PLET1: variants seen among roughly 807,000 people sequenced by gnomAD.
PLET1 encodes placenta-expressed transcript 1 protein.
In PLET1, 20 loss-of-function variants were observed where a neutral mutation model predicts 18.5. The observed-to-expected ratio is 1.08, with a 90% CI of 0.76 to 1.57. The LOEUF is 1.57. PLET1 is among the 40% of genes most tolerant of loss of function. The pLI, the probability that PLET1 is intolerant of heterozygous loss-of-function variation, is 0.00. For missense variants in PLET1, 256 were observed against 246.4 expected, an observed-to-expected ratio of 1.04 and a Z score of -0.26; for synonymous variants, 93 against 93.8, an observed-to-expected ratio of 0.99 and a Z score of 0.05.
chr11:112,255,310 C>T (rs1391835359), intron 2 of PLET1, 78 bp downstream of exon 2: 11 of 1,386,902 alleles, frequency 7.9e-6, no homozygotes, highest in Admixed American at 2.0e-5. Flanking sequence ...TATTTTAAGT[C>T]CTCCTAGCTT....
intron 1 of PLET1, among the ~76,000 whole-genome samples, chr11:112,259,380 T>A (rs2135419714): frequency 6.6e-6 from 1 of 152,340 alleles, no homozygotes; most frequent in Non-Finnish European, 1.5e-5. Context: ...CCCTAATAGG[T>A]CACTATTACA....
intron 1 of PLET1, among the ~76,000 whole-genome samples, chr11:112,257,672 A>G (rs1860237399): frequency 6.6e-6 from 1 of 152,154 alleles, no homozygotes; most frequent in African/African-American, 2.4e-5. Context: ...TCACTGTATT[A>G]AGGGTTTCTT....
chr11:112,250,220 C>CTTTTTTTTTTTTT (rs33963716), intron 3 of PLET1, among the ~76,000 whole-genome samples: 70 of 49,876 alleles, frequency 1.4e-3, no homozygotes, highest in Non-Finnish European at 1.6e-3. Context: ...AGAAACAAAC[C>CTTTTTTTTTTTTT]TTTTTTTTTT....
chr11:112,253,982 C>T (rs773215590), intron 2 of PLET1, among the ~76,000 whole-genome samples: 3 of 152,136 alleles, frequency 2.0e-5, no homozygotes, highest in Non-Finnish European at 4.4e-5. Flanking sequence ...AAGTCTAATG[C>T]GATTCCAGGT....
Position 112,260,470 on chromosome 11 carries a change from G to C in PLET1, c.120C>G (p.Tyr40Ter), listed in dbSNP as rs572308783. ...YSSTCFTFDE[Y>*]YTITLDIKAS... ...CCTTGATGTCTAGGGTTATGGTGTAGTATTCATCAAAGGTGAAGCAGGTGC... is the reference window on the plus strand; with the variant it reads ...CCTTGATGTCTAGGGTTATGGTGTACTATTCATCAAAGGTGAAGCAGGTGC... Residue 40 changes from tyrosine to a stop codon, truncating the protein, a stop_gained, in exon 1 of 4, where the codon TAC becomes TAG. Transcript: ENST00000338832. LOFTEE classifies it high-confidence loss of function. 11 of 1,551,822 alleles carry C rather than the reference G, an allele frequency of 7.1e-6. No individual in the cohort carries two copies. The African/African-American group carries it at 1.1e-4, about 15-fold the overall frequency.
Position 112,255,503 on chromosome 11 carries a change from C to T in PLET1, c.271G>A (p.Ala91Thr). Residue 91 changes from alanine to threonine, a missense_variant, in exon 2 of 4, where the codon GCG (alanine) becomes ACG (threonine). Coordinates refer to ENST00000338832, the MANE Select transcript of PLET1 (RefSeq NM_001145024.1). The part of the protein sequence containing the change: ...NSDSAGLWQR[A>T]DKNCYSNSTY... ...GAGTTGCTGTAGCAATTTTTATCCGCTCTTTGCCAGAGGCCCGCTGAGTCA... is the reference window on the plus strand; with the variant it reads ...GAGTTGCTGTAGCAATTTTTATCCGTTCTTTGCCAGAGGCCCGCTGAGTCA... The T allele has an allele frequency of 6.4e-7, 1 of 1,551,936 alleles. No homozygotes were observed. The highest frequency in any genetic ancestry group is 8.7e-7 in the Non-Finnish European group (1 of 1,146,962).
At position 112,248,842 on chromosome 11, in the gene PLET1, A is replaced by G. The variant is rs939740098; in HGVS notation, c.581T>C (p.Ile194Thr). 2.0e-5 allele frequency: 31 copies of G among 1,551,498 alleles called. No homozygotes were observed. The highest frequency in any genetic ancestry group is 2.4e-5 in the East Asian group (1 of 40,922). Residue 194 changes from isoleucine (I) to threonine (T), a missense_variant, in exon 4 of 4, where the codon ATT (isoleucine) becomes ACT (threonine). Coordinates refer to ENST00000338832, the MANE Select transcript of PLET1 (RefSeq NM_001145024.1). ...QVFSSPITEA[I>T]YILLAFLTST... ...GGTGAGAAAAGCAAGCAGGATATAA[A>G]TGGCCTCTGTGATGGGGCTGCTGAA...
chr11:112,251,814 G>C (rs570385136), intron 3 of PLET1, among the ~76,000 whole-genome samples: 1 of 97,042 alleles, frequency 1.0e-5, no homozygotes, highest in Non-Finnish European at 2.6e-5. Flanking sequence ...AGCTGGGGGC[G>C]ACAGCCTGTG....
chr11:112,256,297 C>G (rs1042207642), intron 1 of PLET1, among the ~76,000 whole-genome samples: 11 of 152,164 alleles, frequency 7.2e-5, no homozygotes, highest in Admixed American at 2.6e-4. Flanking sequence ...TGAGTGAATT[C>G]CTCAATGCTA....
chr11:112,255,988 G>A (rs1847235823), intron 1 of PLET1, among the ~76,000 whole-genome samples: 1 of 152,192 alleles, frequency 6.6e-6, no homozygotes, highest in African/African-American at 2.4e-5. Context: ...AGACAAGCCT[G>A]CTTGGTCCTC....
chr11:112,251,561 C>T (rs533182482), intron 3 of PLET1, among the ~76,000 whole-genome samples: 36 of 152,264 alleles, frequency 2.4e-4, no homozygotes, highest in Non-Finnish European at 3.4e-4. Context: ...GGCAACAGAG[C>T]GAGACTCCAT....
rs1489774801 is a variant in PLET1, at chr11:112,260,740, C to T, written c.-151G>A. ...TATACATTGGATTCTGGAATTTGGCCCAAGACATCACCAGGAATGAATCAC... is the reference window on the plus strand; with the variant it reads ...TATACATTGGATTCTGGAATTTGGCTCAAGACATCACCAGGAATGAATCAC... On this transcript the variant is annotated 5_prime_UTR_variant, in exon 1 of 4. It introduces an in-frame stop codon into an upstream open reading frame of the 5' UTR. Coordinates refer to ENST00000338832, the MANE Select transcript of PLET1 (RefSeq NM_001145024.1). The T allele has an allele frequency of 3.0e-6, 2 of 664,742 alleles. No individual in the cohort carries two copies. Among genetic ancestry groups the T allele is most frequent in the Admixed American group, 6.4e-5 (2 of 31,186 alleles). The allele number at this position is 664,742 out of a possible 1,614,324, so 41.2% of individuals were successfully genotyped here.
chr11:112,259,805 A>G (rs1222316256), intron 1 of PLET1, among the ~76,000 whole-genome samples: 2 of 152,170 alleles, frequency 1.3e-5, no homozygotes, highest in African/African-American at 4.8e-5. Flanking sequence ...TGGGTGACTG[A>G]GGTGGGTGGA....
chr11:112,251,714 A>G (rs942393750), intron 3 of PLET1, among the ~76,000 whole-genome samples: 27 of 152,136 alleles, frequency 1.8e-4, no homozygotes, highest in African/African-American at 4.6e-4. Context: ...ACCCAGCCTT[A>G]AATTTGTTAT....
At chr11:112,252,259 G>A in intron 3 of PLET1, 89 bp downstream of exon 3, 1 of 1,159,618 alleles carries the variant, frequency 8.6e-7, no homozygotes, top group Non-Finnish European at 1.3e-6. Context: ...GTGGTAAGAA[G>A]ACCCTCTTTT....
In PLET1 at chr11:112,260,694, C is replaced by T; in HGVS notation, c.-105G>A. 7 of 969,674 alleles carry T rather than the reference C, an allele frequency of 7.2e-6. No homozygotes were observed. Among genetic ancestry groups the T allele is most frequent in the Non-Finnish European group, 1.1e-5 (7 of 659,110 alleles). The allele number at this position is 969,674 out of a possible 1,614,324, so 60.1% of individuals were successfully genotyped here. Reference sequence around the variant, plus strand: ...TCTGGGTGAAGTCATACATGCAGATCTTCTCCCTGCCCCTTCTGAATATAC... The same window carrying T: ...TCTGGGTGAAGTCATACATGCAGATTTTCTCCCTGCCCCTTCTGAATATAC... On this transcript the variant is annotated 5_prime_UTR_variant, in exon 1 of 4. Coordinates refer to ENST00000338832, the MANE Select transcript of PLET1 (RefSeq NM_001145024.1).
chr11:112,252,516 C>T, intron 2 of PLET1, 107 bp from the exon 3 acceptor site: 1 of 934,238 alleles, frequency 1.1e-6, no homozygotes, highest in East Asian at 2.6e-5. Context: ...TTTGTGCTTA[C>T]TTTCTGTATG....
chr11:112,253,480 A>C (rs1423427892), intron 2 of PLET1, among the ~76,000 whole-genome samples: 1 of 152,112 alleles, frequency 6.6e-6, no homozygotes, highest in Non-Finnish European at 1.5e-5. Context: ...GCGGGTGTGC[A>C]AGTTGGGAGA....
rs1860215875 is a variant in PLET1 at position 112,255,476 on chromosome 11, TG to T, written c.297del (p.Thr100ArgfsTer4). ...QRADKNCYSN[S>X]TYYVKDQYMT... ...ATGTATTGATCTTTCACGTAATACG[TG>T]GAGTTGCTGTAGCAATTTTTATCCG... On this transcript the variant is annotated frameshift_variant, in exon 2 of 4. Transcript: ENST00000338832. LOFTEE classifies it high-confidence loss of function. The T allele has an allele frequency of 6.4e-7, 1 of 1,552,062 alleles. No individual in the cohort carries two copies. The highest frequency in any genetic ancestry group is 2.4e-5 in the East Asian group (1 of 40,920).
Sources: gnomAD v4.1 joint callset for allele counts (sites outside exome capture counted in the v4.1 genomes callset) on GRCh38, gnomAD v4.1.1 for gene constraint, MANE v1.5 for transcripts, NCBI Gene and HGNC (gene_info 2026-07-23, HGNC 2026-07-21) for gene names.